Variants in XRCC4 observed in about 807,000 individuals in gnomAD.
XRCC4 encodes the protein DNA repair protein XRCC4.
Under a neutral mutation model 39.1 loss-of-function variants are expected in XRCC4, and 28 were observed. That is an observed-to-expected ratio of 0.72 (90% CI 0.53 to 0.98). The LOEUF (loss-of-function observed/expected upper bound fraction) is 0.98, where lower values mean the gene tolerates loss of function less well. Ranked by LOEUF, XRCC4 falls within the 50% of genes least tolerant of loss-of-function variation. The probability of loss-of-function intolerance (pLI) is 0.00; values close to 1 mark genes in which losing one functional copy is unlikely to be tolerated. For missense variants in XRCC4, 350 were observed against 376.4 expected (o/e 0.93, Z 0.58); for synonymous variants, 123 against 126.4 (o/e 0.97, Z 0.18).
At chr5:83,262,838 CT>C (rs72274529) in intron 7 of XRCC4, among the ~76,000 whole-genome samples, 6,574 of 119,446 alleles carry the variant, frequency 0.055, 190 homozygotes, top group South Asian at 0.17. Flanking sequence ...TTATCACAGT[CT>C]TTTTTTTTTT....
chr5:83,276,974 A>G (rs574530545), intron 7 of XRCC4, among the ~76,000 whole-genome samples: 1 of 152,198 alleles, frequency 6.6e-6, no homozygotes, highest in South Asian at 2.1e-4. Flanking sequence ...AACCCATCAT[A>G]AGTGAAGGAG....
chr5:83,299,575 C>T (rs1209262661), intron 7 of XRCC4, among the ~76,000 whole-genome samples: 1 of 152,062 alleles, frequency 6.6e-6, no homozygotes, highest in African/African-American at 2.4e-5. Context: ...TTTAACCTCT[C>T]TTTTATGTTT....
intron 6 of XRCC4, among the ~76,000 whole-genome samples, chr5:83,236,341 G>A (rs1752687173): frequency 6.6e-6 from 1 of 151,970 alleles, no homozygotes; most frequent in Non-Finnish European, 1.5e-5. Flanking sequence ...GTAACCAAAA[G>A]AGCATGGTAC....
intron 3 of XRCC4, among the ~76,000 whole-genome samples, chr5:83,113,466 GGC>G (rs1300794351): frequency 2.0e-5 from 3 of 152,128 alleles, no homozygotes; most frequent in African/African-American, 7.2e-5. Flanking sequence ...GCAGGAAAGT[GGC>G]CCTAATCTTA....
chr5:83,182,638 A>G (rs1561386545), intron 3 of XRCC4, among the ~76,000 whole-genome samples: 2 of 152,112 alleles, frequency 1.3e-5, no homozygotes, highest in Non-Finnish European at 2.9e-5. Flanking sequence ...CTCCAAATTC[A>G]TATGTTGAAG....
At chr5:83,304,972 AGTAATT>A (rs1755427271) in intron 7 of XRCC4, among the ~76,000 whole-genome samples, 1 of 152,202 alleles carries the variant, frequency 6.6e-6, no homozygotes, top group African/African-American at 2.4e-5. Context: ...ATAAAGTTTC[AGTAATT>A]TAGTTTTAGT....
intron 6 of XRCC4, among the ~76,000 whole-genome samples, chr5:83,244,738 A>G (rs1353212023): frequency 6.6e-6 from 1 of 152,148 alleles, no homozygotes; most frequent in African/African-American, 2.4e-5. Context: ...TGAGGTCTGG[A>G]AAGTACAGCA....
chr5:83,240,945 A>G (rs968245057), intron 6 of XRCC4, among the ~76,000 whole-genome samples: 1 of 152,220 alleles, frequency 6.6e-6, no homozygotes, highest in Non-Finnish European at 1.5e-5. Flanking sequence ...CACTGACTTA[A>G]AAATTCAGGG....
At chr5:83,187,848 T>A (rs1750523373) in intron 3 of XRCC4, among the ~76,000 whole-genome samples, 2 of 152,204 alleles carry the variant, frequency 1.3e-5, no homozygotes, top group Non-Finnish European at 2.9e-5. Context: ...GAACTTACTT[T>A]TTAATTTAAT....
intron 7 of XRCC4, among the ~76,000 whole-genome samples, chr5:83,310,345 T>C (rs1450671914): frequency 6.6e-6 from 1 of 152,150 alleles, no homozygotes; most frequent in Non-Finnish European, 1.5e-5. Flanking sequence ...CGAGGCTTGA[T>C]TGGCTCCAGT....
At chr5:83,161,316 G>C (rs576525110) in intron 3 of XRCC4, among the ~76,000 whole-genome samples, 102 of 152,168 alleles carry the variant, frequency 6.7e-4, no homozygotes, top group African/African-American at 2.4e-3. Flanking sequence ...ATTTTTAGTA[G>C]AGACAGAGTT....
At chr5:83,106,269 A>T (rs2112380353) in intron 2 of XRCC4, among the ~76,000 whole-genome samples, 1 of 152,240 alleles carries the variant, frequency 6.6e-6, no homozygotes, top group Admixed American at 6.5e-5. Flanking sequence ...GCTAAAGACA[A>T]GGGCAATAGA....
chr5:83,171,729 A>G (rs1366663677), intron 3 of XRCC4, among the ~76,000 whole-genome samples: 1 of 152,136 alleles, frequency 6.6e-6, no homozygotes, highest in African/African-American at 2.4e-5. Context: ...CCTAGCATTC[A>G]TGATTTTTTT....
intron 6 of XRCC4, among the ~76,000 whole-genome samples, chr5:83,225,977 G>C (rs1175780767): frequency 2.0e-5 from 3 of 151,928 alleles, no homozygotes; most frequent in Non-Finnish European, 4.4e-5. Context: ...TCTGCAGATA[G>C]CTCTAAAAAC....
chr5:83,323,694 A>G, intron 7 of XRCC4, among the ~76,000 whole-genome samples: 1 of 151,654 alleles, frequency 6.6e-6, no homozygotes, highest in East Asian at 2.0e-4. Flanking sequence ...GAACAGTAAA[A>G]GTAGTAAGGA....
rs747142833 is a variant in XRCC4, at chr5:83,258,597, A to G, written c.813A>G (p.Lys271=). Reference sequence around the variant, plus strand: ...TCACTGATATTGCACCAAGTAGAAAAAGGAGACAGCGAATGCAAAGAAATC... The same window carrying G: ...TCACTGATATTGCACCAAGTAGAAAGAGGAGACAGCGAATGCAAAGAAATC... ...LDVTDIAPSR[K]RRQRMQRNLG... Residue 271 remains lysine, a synonymous_variant, in exon 7 of 8, where the codon AAA becomes AAG. Coordinates refer to ENST00000396027, the MANE Select transcript of XRCC4 (RefSeq NM_003401.5). 1 of 1,611,412 alleles carries G rather than the reference A, an allele frequency of 6.2e-7. No homozygotes were observed. Among genetic ancestry groups the G allele is most frequent in the Non-Finnish European group, 8.5e-7 (1 of 1,179,208 alleles).
At chr5:83,310,841 CAGAG>C (rs754853612) in intron 7 of XRCC4, 40 of 456,388 alleles carry the variant, frequency 8.8e-5, no homozygotes, top group South Asian at 6.2e-4. Context: ...GAAGCAAAAT[CAGAG>C]AGAAAAGATG....
At chr5:83,339,093 A>T (rs1358654735) in intron 7 of XRCC4, among the ~76,000 whole-genome samples, 2 of 152,166 alleles carry the variant, frequency 1.3e-5, no homozygotes, top group East Asian at 3.8e-4. Context: ...GAATACGGTG[A>T]TCTGTTTTAA....
At position 83,203,403 on chromosome 5, in the gene XRCC4, A is replaced by G. The variant is rs28360147; in HGVS notation, c.483-149A>G. 5 of 588,350 alleles carry G rather than the reference A, an allele frequency of 8.5e-6. No homozygotes were observed. In the East Asian group the frequency reaches 1.7e-4, roughly 20 times the overall value. 36.4% of individuals were successfully genotyped at this position (588,350 alleles called of 1,614,324 possible). A position where few individuals can be genotyped will look rare whatever the true frequency, so the allele number is the denominator to read the frequency against. On this transcript the variant is annotated intron_variant, in intron 4 of 7. Coordinates refer to ENST00000396027, the MANE Select transcript of XRCC4 (RefSeq NM_003401.5). Reference sequence around the variant, plus strand: ...ATAATTTCTAATTGTGTATTTAACCATCTTTATAAAACTTCCAAGTCAGTG... The same window carrying G: ...ATAATTTCTAATTGTGTATTTAACCGTCTTTATAAAACTTCCAAGTCAGTG...
Sources: gnomAD v4.1 joint callset for allele counts (sites outside exome capture counted in the v4.1 genomes callset) on GRCh38, gnomAD v4.1.1 for gene constraint, MANE v1.5 for transcripts, NCBI Gene and HGNC (gene_info 2026-07-23, HGNC 2026-07-21) for gene names.